The following PHF19 variants were observed in gnomAD, a reference collection of about 807,000 sequenced individuals.
The protein encoded by PHF19 is polycomb like 3.
In PHF19, 21 loss-of-function variants were observed where a neutral mutation model predicts 79.8. The ratio of observed to expected loss-of-function variants is 0.26; its 90% confidence interval spans 0.19 to 0.38. The LOEUF (loss-of-function observed/expected upper bound fraction) is 0.38. PHF19 is among the 10% of genes least tolerant of loss of function. The probability of loss-of-function intolerance (pLI) is 1.00; values close to 1 mark genes in which losing one functional copy is unlikely to be tolerated. For synonymous variants in PHF19, 273 were observed against 296.3 expected (o/e 0.92, Z 0.81); for missense variants, 445 against 744.2 (o/e 0.60, Z 4.68).
chr9:120,896,705 G>A (rs2900179), upstream of PHF19, among the ~76,000 whole-genome samples: 69,124 of 151,666 alleles, frequency 0.46, 18,179 homozygotes, highest in South Asian at 0.69. Flanking sequence ...CGCCCGTCTC[G>A]GCCTCCCAAA....
At chr9:120,888,160 A>G (rs2046293839) in intron 1 of PHF19, among the ~76,000 whole-genome samples, 1 of 152,122 alleles carries the variant, frequency 6.6e-6, no homozygotes, top group Admixed American at 6.5e-5. Context: ...TTTTTAGTAG[A>G]GAGGGGGGTT....
rs1482679018 is a variant in PHF19, at chr9:120,866,336, CAGAG to C, written c.711-244_711-241del. Among the ~76,000 whole-genome samples, 6 of 152,190 alleles carry C rather than the reference CAGAG, an allele frequency of 3.9e-5. No individual in the cohort carries two copies. Among genetic ancestry groups the C allele is most frequent in the African/African-American group, 1.4e-4 (6 of 41,450 alleles). On this transcript the variant is annotated intron_variant, in intron 7 of 14. Coordinates refer to ENST00000373896, the MANE Select transcript of PHF19 (RefSeq NM_015651.3). The surrounding 1 kb of genome is among the most constrained non-coding windows in gnomAD (Gnocchi z 5.2). ...TTGCCCTGAAGCGTGGCTGAGTTCA[CAGAG>C]AGTGAGCTGAGCTAGGCTGGGCTGC... is the stretch of plus-strand genomic sequence containing the variant.
chr9:120,885,579 GA>G lies in PHF19; in HGVS notation c.42+9208del, dbSNP rs368105816. 2.5e-3 allele frequency among the ~76,000 whole-genome samples: 354 copies of G among 141,582 alleles called. 7 individuals are homozygous for G. The highest frequency in any genetic ancestry group is 0.019 in the Admixed American group (268 of 14,244). The allele number at this position is 141,582 out of a possible 152,430, so 92.9% of individuals were successfully genotyped here. On this transcript the variant is annotated intron_variant, in intron 1 of 14. Coordinates refer to the PHF19 transcript ENST00000616568. ...GGTGACAGAGCAAGACTCTATCTTG[GA>G]AAAAAAAAAAAAAAAACAAAGCAGG... is the stretch of plus-strand genomic sequence containing the variant.
chr9:120,856,281 T>TG lies in PHF19; in HGVS notation c.*1662dup, dbSNP rs5900463. The TG allele has an allele frequency of 0.23, 35,110 of 152,564 alleles. 5,291 individuals are homozygous for TG. Among genetic ancestry groups the TG allele is most frequent in the African/African-American group, 0.43 (18,002 of 41,422 alleles). 9.5% of individuals were successfully genotyped at this position (152,564 alleles called of 1,614,324 possible). On this transcript the variant is annotated 3_prime_UTR_variant, in exon 15 of 15. Transcript: ENST00000373896. ...GCACTGTGGGAGCTGAGGTCTAAGA[T>TG]GGGGGGGCATCTAAACTATCTCAGG...
At chr9:120,877,933 G>C (rs954218860), upstream of PHF19, among the ~76,000 whole-genome samples, 10 of 152,164 alleles carry the variant, frequency 6.6e-5, no homozygotes, top group East Asian at 5.8e-4. Context: ...TGCATGTAAG[G>C]TAGACGGACA....
At chr9:120,884,825 G>A (rs1278209735) in intron 1 of PHF19, among the ~76,000 whole-genome samples, 1 of 151,986 alleles carries the variant, frequency 6.6e-6, no homozygotes, top group Non-Finnish European at 1.5e-5. Flanking sequence ...AGAGGCCGAG[G>A]CATGAGAATC....
chr9:120,866,153 C>T lies in PHF19; in HGVS notation c.711-57G>A. 2 of 1,218,640 alleles carry T rather than the reference C, an allele frequency of 1.6e-6. No homozygotes were observed. The highest frequency in any genetic ancestry group is 2.4e-6 in the Non-Finnish European group (2 of 819,992). 75.5% of individuals were successfully genotyped at this position (1,218,640 alleles called of 1,614,324 possible). A position where few individuals can be genotyped will look rare whatever the true frequency, so the allele number is the denominator to read the frequency against. On this transcript the variant is annotated intron_variant, in intron 7 of 14. Transcript: ENST00000373896. The surrounding 1 kb of genome is among the most constrained non-coding windows in gnomAD (Gnocchi z 5.2). ...GGGAGGGGCTCTGACACCCCCACCCCAGTCCAGCCCCTTGATCTCCTCATT... is the reference window on the plus strand; with the variant it reads ...GGGAGGGGCTCTGACACCCCCACCCTAGTCCAGCCCCTTGATCTCCTCATT...
upstream of PHF19, among the ~76,000 whole-genome samples, chr9:120,881,924 G>T (rs1229516977): frequency 1.3e-5 from 2 of 152,158 alleles, no homozygotes; most frequent in African/African-American, 4.8e-5. Flanking sequence ...ATCACGCCTG[G>T]CTAATTTTTG....
upstream of PHF19, chr9:120,877,463 C>G: frequency 6.6e-6 from 4 of 605,294 alleles, no homozygotes; most frequent in Non-Finnish European, 8.3e-6. Flanking sequence ...CCCGCGGGCG[C>G]GCATCCTCCG....
intron 1 of PHF19, among the ~76,000 whole-genome samples, chr9:120,882,285 C>T (rs2046197829): frequency 6.6e-6 from 1 of 152,208 alleles, no homozygotes. Context: ...AGGTTCCCTG[C>T]CTCCCAGTGA....
At chr9:120,881,020 T>C (rs1362872576), upstream of PHF19, among the ~76,000 whole-genome samples, 1 of 152,152 alleles carries the variant, frequency 6.6e-6, no homozygotes, top group Non-Finnish European at 1.5e-5. Flanking sequence ...GTAGACATTT[T>C]GGGGCTACAG....
intron 1 of PHF19, among the ~76,000 whole-genome samples, chr9:120,884,399 G>T (rs1194757890): frequency 7.8e-6 from 1 of 127,500 alleles, no homozygotes; most frequent in African/African-American, 3.1e-5. Context: ...AGCTGGGTGT[G>T]TAGGAGAAAG....
rs113411934 is a variant in PHF19 at position 120,860,443 on chromosome 9, G to C, written c.1305-258C>G. 15 of 466,954 alleles carry C rather than the reference G, an allele frequency of 3.2e-5. No homozygotes were observed. The East Asian group carries it at 6.2e-4, about 19-fold the overall frequency. The allele number at this position is 466,954 out of a possible 1,614,324, so 28.9% of individuals were successfully genotyped here. ...GTCAATAACTCGAGCGTGATCCAAG[G>C]CACCTGTGCAACACTTCACAGGTCA... On this transcript the variant is annotated intron_variant, in intron 13 of 14. Transcript: ENST00000373896. The surrounding 1 kb of genome is among the most constrained non-coding windows in gnomAD (Gnocchi z 4.1).
chr9:120,865,992 G>A, intron 8 of PHF19, 36 bp downstream of exon 8: 2 of 1,580,744 alleles, frequency 1.3e-6, no homozygotes, highest in Non-Finnish European at 1.7e-6. Context: ...AAGCTGGGAG[G>A]AGCAGCGGTG....
At position 120,858,811 on chromosome 9, in the gene PHF19, TCACACACACACACA is replaced by T. The variant is rs56042039; in HGVS notation, c.1401-539_1401-526del. 6.8e-4 allele frequency among the ~76,000 whole-genome samples: 83 copies of T among 122,892 alleles called. No individual in the cohort carries two copies. In the South Asian group the frequency reaches 8.6e-3, roughly 13 times the overall value. 80.6% of individuals were successfully genotyped at this position (122,892 alleles called of 152,430 possible). Reference sequence around the variant, plus strand: ...GCCTGGATGGAGAGACTGACAGACATCACACACACACACACACACACACACACACACACACACAC... The same window carrying T: ...GCCTGGATGGAGAGACTGACAGACATCACACACACACACACACACACACAC... On this transcript the variant is annotated intron_variant, in intron 14 of 14. Transcript: ENST00000373896.
At position 120,862,773 on chromosome 9, in the gene PHF19, G is replaced by A. The variant is rs764360588; in HGVS notation, c.969-24C>T. 44 of 1,612,630 alleles carry A rather than the reference G, an allele frequency of 2.7e-5. No homozygotes were observed. The South Asian group carries it at 4.8e-4, about 18-fold the overall frequency. ...ACCTGGGGGTGGGCAGTGGGAGGAAGAAGCTCTGGAGTCTGTCAGTCCATC... is the reference window on the plus strand; with the variant it reads ...ACCTGGGGGTGGGCAGTGGGAGGAAAAAGCTCTGGAGTCTGTCAGTCCATC... On this transcript the variant is annotated intron_variant, in intron 10 of 14. Transcript: ENST00000373896. The surrounding 1 kb of genome is among the most constrained non-coding windows in gnomAD (Gnocchi z 4.6).
chr9:120,896,523 C>T (rs933503480), upstream of PHF19, among the ~76,000 whole-genome samples: 4 of 142,704 alleles, frequency 2.8e-5, no homozygotes, highest in African/African-American at 1.0e-4. Context: ...GCGATCTCGA[C>T]TCACTGCAAG....
the PHF19 span, among the ~76,000 whole-genome samples, chr9:120,901,028 G>A: frequency 6.6e-6 from 1 of 152,234 alleles, no homozygotes; most frequent in Admixed American, 6.5e-5. Context: ...TGCTTGCCCT[G>A]CCCTCCTGGG....
At position 120,863,988 on chromosome 9, in the gene PHF19, G is replaced by C. The variant is rs1046932255; in HGVS notation, c.968+61C>G. 9.0e-6 allele frequency: 12 copies of C among 1,329,956 alleles called. No individual in the cohort carries two copies. In the African/African-American group the frequency reaches 1.6e-4, roughly 18 times the overall value. The allele number at this position is 1,329,956 out of a possible 1,614,324, so 82.4% of individuals were successfully genotyped here. Reference sequence around the variant, plus strand: ...AGCATAGCCTGAGCAAAGGCTATGAGGTAGGAAGGAATCTCACCTGTAGAG... The same window carrying C: ...AGCATAGCCTGAGCAAAGGCTATGACGTAGGAAGGAATCTCACCTGTAGAG... On this transcript the variant is annotated intron_variant, in intron 10 of 14. Coordinates refer to ENST00000373896, the MANE Select transcript of PHF19 (RefSeq NM_015651.3).
Sources: allele counts gnomAD v4.1 joint callset (sites outside exome capture counted in the v4.1 genomes callset), GRCh38; gene constraint gnomAD v4.1.1; non-coding constraint Gnocchi (gnomAD v3.1); transcripts MANE v1.5; gene names NCBI Gene and HGNC (gene_info 2026-07-23, HGNC 2026-07-21).